Variants in ATP11C observed in about 807,000 individuals in gnomAD.
The protein encoded by ATP11C is phospholipid-transporting ATPase IG.
ATP11C carries 36 observed loss-of-function variants against 97.4 expected under a neutral mutation model. The ratio of observed to expected loss-of-function variants is 0.37; its 90% CI spans 0.28 to 0.49. The LOEUF is 0.49. Ranked by LOEUF, ATP11C falls within the 20% of genes least tolerant of loss-of-function variation. The pLI is 0.98. For synonymous variants in ATP11C, 275 were observed against 290.9 expected (o/e 0.95, Z 0.56); for missense variants, 730 against 824.6 (o/e 0.89, Z 1.40).
Position 139,750,038 on chromosome X carries a change from G to A in ATP11C, c.2815C>T (p.Pro939Ser), listed in dbSNP as rs1393418716. 8.3e-7 allele frequency: 1 copy of A among 1,202,857 alleles called. No individual in the cohort carries two copies. ...HINIDTLTSD[P>S]RLYMKISGNA... is the part of the protein sequence containing the mutation. ...TATTTAACTTACATATACAATCGGG[G>A]ATCTGAGGTCAGAGTGTCAATGTTG... The change falls in exon 24 of 30, where the codon CCC becomes TCC. Residue 939 changes from proline (P) to serine (S), a missense_variant. Pro to Ser is a moderately conservative substitution (Grantham distance 74). Transcript: ENST00000682941.
At chrX:139,896,150 T>C (rs971992596) in intron 1 of ATP11C, among the ~76,000 whole-genome samples, 1 of 111,458 alleles carries the variant, frequency 9.0e-6, no homozygotes, top group Admixed American at 9.6e-5. Flanking sequence ...AACTGTACAG[T>C]GTGTAAACCT....
chrX:139,928,308 T>C (rs2085384137), intron 1 of ATP11C, among the ~76,000 whole-genome samples: 1 of 111,675 alleles, frequency 9.0e-6, no homozygotes, highest in African/African-American at 3.3e-5. Flanking sequence ...GTTGTGCAAA[T>C]GTAAAAATAT....
intron 1 of ATP11C, among the ~76,000 whole-genome samples, chrX:139,854,662 T>C (rs968000974): frequency 1.8e-5 from 2 of 112,380 alleles, no homozygotes; most frequent in African/African-American, 6.5e-5. Context: ...AATTTAAAAG[T>C]AATTAGACCT....
chrX:139,752,847 A>G (rs2081851165), intron 23 of ATP11C, among the ~76,000 whole-genome samples: 1 of 112,102 alleles, frequency 8.9e-6, no homozygotes. Flanking sequence ...GCACTTCCAA[A>G]AACTGCAAGA....
chrX:139,788,074 T>A lies in ATP11C; in HGVS notation c.1520+118A>T, dbSNP rs983946988. ...TTTTGGCTAAAGCAGTTGTGTTTTT[T>A]ATTAAATAATAGGAGATGTATGTGC... On this transcript the variant is annotated intron_variant, in intron 14 of 29. Coordinates refer to ENST00000682941, the MANE Select transcript of ATP11C (RefSeq NM_001353812.2). The A allele has an allele frequency of 2.0e-4, 135 of 670,736 alleles. 1 individual carries two copies. The highest frequency in any genetic ancestry group is 2.7e-4 in the Non-Finnish European group (128 of 466,176). 55.3% of individuals were successfully genotyped at this position (670,736 alleles called of 1,213,427 possible). A position where few individuals can be genotyped will look rare whatever the true frequency, so the allele number is the denominator to read the frequency against.
At chrX:139,775,467 CAA>C (rs2082329949) in intron 18 of ATP11C, among the ~76,000 whole-genome samples, 1 of 112,025 alleles carries the variant, frequency 8.9e-6, no homozygotes, top group Non-Finnish European at 1.9e-5. Flanking sequence ...TAAAAAAGAT[CAA>C]AGTTACTGGT....
At chrX:139,770,211 G>C (rs969568175) in intron 19 of ATP11C, among the ~76,000 whole-genome samples, 3 of 111,652 alleles carry the variant, frequency 2.7e-5, no homozygotes, top group Non-Finnish European at 3.8e-5. Flanking sequence ...TTTTTATGGA[G>C]AATAGAAAAT....
intron 1 of ATP11C, among the ~76,000 whole-genome samples, chrX:139,906,467 A>AGG (rs1402659771): frequency 4.3e-4 from 47 of 108,208 alleles, no homozygotes; most frequent in African/African-American, 1.5e-3. Flanking sequence ...ACCTCAGTCC[A>AGG]GGTCCTAGCA....
chrX:139,934,127 C>G (rs1464210734), upstream of ATP11C, among the ~76,000 whole-genome samples: 1 of 111,841 alleles, frequency 8.9e-6, no homozygotes, highest in Non-Finnish European at 1.9e-5. Context: ...TGAAAAAGCG[C>G]AGGACAAACT....
chrX:139,745,567 G>A (rs1487513190), intron 25 of ATP11C, among the ~76,000 whole-genome samples, 155 bp downstream of exon 25: 1 of 112,001 alleles, frequency 8.9e-6, no homozygotes, highest in Non-Finnish European at 1.9e-5. Context: ...CACTTCTATT[G>A]TTCTAAAGAA....
At chrX:139,889,951 G>A (rs1183824609) in intron 1 of ATP11C, among the ~76,000 whole-genome samples, 1 of 112,062 alleles carries the variant, frequency 8.9e-6, no homozygotes, top group African/African-American at 3.2e-5. Flanking sequence ...AACTGCCTAA[G>A]GAGACAGGAA....
chrX:139,879,630 T>C (rs1250428705), intron 1 of ATP11C, among the ~76,000 whole-genome samples: 4 of 112,229 alleles, frequency 3.6e-5, no homozygotes, highest in Non-Finnish European at 7.5e-5. Context: ...TTGACCGTGA[T>C]AATCATTACA....
At position 139,783,234 on chromosome X, in the gene ATP11C, G is replaced by A. The variant is rs759958294; in HGVS notation, c.1700C>T (p.Ser567Leu). 11 of 1,205,591 alleles carry A rather than the reference G, an allele frequency of 9.1e-6. No individual in the cohort carries two copies. The highest frequency in any genetic ancestry group is 2.3e-4 in the Middle Eastern group (1 of 4,309). ...ATTTTGCACTCTGGGAAAAACTGCC[G>A]AGTCTGCTCCTTTACAAAAGAGAAG... Reference protein sequence around the residue: ...DILLFCKGADSAVFPRVQNHE... With the variant: ...DILLFCKGADLAVFPRVQNHE... The change falls in exon 17 of 30, where the codon TCG (serine) becomes TTG (leucine). Residue 567 changes from serine (S) to leucine (L), a missense_variant. Physicochemically the swap from Ser to Leu is moderately radical, Grantham distance 145 (BLOSUM62 -2). Coordinates refer to ENST00000682941, the MANE Select transcript of ATP11C (RefSeq NM_001353812.2).
intron 1 of ATP11C, among the ~76,000 whole-genome samples, chrX:139,874,029 T>C (rs1159043386): frequency 9.6e-6 from 1 of 104,465 alleles, no homozygotes; most frequent in Admixed American, 1.1e-4. Flanking sequence ...ATTTACAGAA[T>C]ATAGAAAACA....
chrX:139,885,503 G>A (rs919027839), intron 1 of ATP11C: 3 of 111,990 alleles, frequency 2.7e-5, no homozygotes, highest in Admixed American at 9.5e-5. Flanking sequence ...AAGCAAGGGA[G>A]TTAGCACTTC....
intron 1 of ATP11C, among the ~76,000 whole-genome samples, chrX:139,928,608 G>C (rs1005100206): frequency 9.0e-6 from 1 of 111,472 alleles, no homozygotes; most frequent in Admixed American, 9.6e-5. Context: ...TTCTTATTTT[G>C]TATTTTTTAG....
At chrX:139,801,053 C>T (rs778275738) in intron 7 of ATP11C, among the ~76,000 whole-genome samples, 4 of 111,972 alleles carry the variant, frequency 3.6e-5, no homozygotes, top group Non-Finnish European at 5.6e-5. Flanking sequence ...CAAGGTATTC[C>T]GAAGTCACAC....
intron 23 of ATP11C, among the ~76,000 whole-genome samples, chrX:139,755,363 T>A (rs900785745): frequency 8.9e-6 from 1 of 112,322 alleles, no homozygotes; most frequent in Non-Finnish European, 1.9e-5. Flanking sequence ...AAACATTCCA[T>A]GCTCTTGGAT....
chrX:139,835,404 T>C (rs2083731245), intron 1 of ATP11C, among the ~76,000 whole-genome samples: 1 of 110,186 alleles, frequency 9.1e-6, no homozygotes, highest in South Asian at 4.0e-4. Context: ...CAGGGGAAAG[T>C]GGGGCCAGAT....
Sources: gnomAD v4.1 joint callset for allele counts (sites outside exome capture counted in the v4.1 genomes callset) on GRCh38, gnomAD v4.1.1 for gene constraint, MANE v1.5 for transcripts, NCBI Gene and HGNC (gene_info 2026-07-23, HGNC 2026-07-21) for gene names.